The following SYNPR variants were observed in gnomAD, a reference collection of about 807,000 sequenced individuals.
SYNPR encodes synaptoporin.
A neutral mutation model predicts 32.9 loss-of-function variants in SYNPR; 23 were observed. That is an observed-to-expected ratio of 0.70 (90% CI 0.50 to 0.99). SYNPR has a LOEUF of 0.99. Among genes scored for constraint, SYNPR ranks in the 50% least tolerant of loss-of-function variants. The pLI is 0.00. For synonymous variants in SYNPR, 146 were observed against 135.9 expected, an observed-to-expected ratio of 1.07 and a Z score of -0.52; for missense variants, 318 against 349.3, an observed-to-expected ratio of 0.91 and a Z score of 0.71.
chr3:63,459,137 C>G (rs1439384367), intron 2 of SYNPR, among the ~76,000 whole-genome samples: 1 of 152,022 alleles, frequency 6.6e-6, no homozygotes, highest in Non-Finnish European at 1.5e-5. Context: ...CACTAATTCA[C>G]TATGACAAAT....
intron 2 of SYNPR, among the ~76,000 whole-genome samples, chr3:63,295,217 A>G (rs760814652): frequency 2.0e-5 from 3 of 152,174 alleles, no homozygotes; most frequent in Non-Finnish European, 4.4e-5. Context: ...ATGATAAAGC[A>G]GTTGTTAACA....
At chr3:63,505,465 C>A (rs11715745) in intron 3 of SYNPR, among the ~76,000 whole-genome samples, 94,397 of 151,858 alleles carry the variant, frequency 0.62, 29,664 homozygotes, top group African/African-American at 0.71. Flanking sequence ...GTCAGACAAG[C>A]CCTCATTCTG....
intron 4 of SYNPR, among the ~76,000 whole-genome samples, chr3:63,603,367 C>T (rs927548025): frequency 6.6e-6 from 1 of 152,214 alleles, no homozygotes; most frequent in Non-Finnish European, 1.5e-5. Flanking sequence ...CCGGCTAGGA[C>T]TTCCCACACA....
chr3:63,253,860 A>G (rs1302478595), intron 2 of SYNPR, among the ~76,000 whole-genome samples: 2 of 152,204 alleles, frequency 1.3e-5, no homozygotes. Flanking sequence ...GTAAAGACAC[A>G]TGCATATGTA....
At chr3:63,474,085 T>C (rs1216561761) in intron 2 of SYNPR, among the ~76,000 whole-genome samples, 2 of 152,260 alleles carry the variant, frequency 1.3e-5, no homozygotes, top group African/African-American at 4.8e-5. Context: ...CAACGATGTG[T>C]GGTGAGCAGG....
At chr3:63,380,214 G>T (rs1409368241) in intron 2 of SYNPR, among the ~76,000 whole-genome samples, 1 of 152,136 alleles carries the variant, frequency 6.6e-6, no homozygotes, top group Non-Finnish European at 1.5e-5. Flanking sequence ...GTAATGGGAT[G>T]GCTGGCTCAA....
upstream of SYNPR, among the ~76,000 whole-genome samples, chr3:63,224,245 G>A (rs1269752923): frequency 2.6e-5 from 4 of 152,114 alleles, no homozygotes; most frequent in Admixed American, 1.3e-4. Context: ...ATAGGATTGC[G>A]GACCCTATTG....
chr3:63,380,884 G>T (rs560952989), intron 2 of SYNPR, among the ~76,000 whole-genome samples: 3 of 152,076 alleles, frequency 2.0e-5, no homozygotes, highest in African/African-American at 4.8e-5. Context: ...AGTAAATTAG[G>T]TATTGATGGG....
chr3:63,230,140 C>A (rs1328488128), intron 1 of SYNPR, among the ~76,000 whole-genome samples: 1 of 152,084 alleles, frequency 6.6e-6, no homozygotes, highest in Non-Finnish European at 1.5e-5. Flanking sequence ...TCAGGATAAT[C>A]TGGTAAAGTT....
At chr3:63,459,277 A>G (rs998084126) in intron 2 of SYNPR, among the ~76,000 whole-genome samples, 2 of 152,020 alleles carry the variant, frequency 1.3e-5, no homozygotes, top group African/African-American at 4.8e-5. Context: ...CAATCACTCT[A>G]TAATTGCTTC....
chr3:63,432,894 T>C (rs1455303463), intron 2 of SYNPR, among the ~76,000 whole-genome samples: 1 of 152,198 alleles, frequency 6.6e-6, no homozygotes, highest in Non-Finnish European at 1.5e-5. Context: ...TCAAGTTCCC[T>C]GTGGGAAAAG....
At chr3:63,247,033 A>G (rs1388710298) in intron 1 of SYNPR, among the ~76,000 whole-genome samples, 1 of 152,044 alleles carries the variant, frequency 6.6e-6, no homozygotes, top group Non-Finnish European at 1.5e-5. Context: ...CTATGTAGCA[A>G]AACTACACAT....
intron 4 of SYNPR, among the ~76,000 whole-genome samples, chr3:63,587,051 T>A (rs1052889087): frequency 6.6e-6 from 1 of 152,070 alleles, no homozygotes; most frequent in East Asian, 1.9e-4. Flanking sequence ...CACTTTAGGT[T>A]GGAAAAGTTT....
intron 2 of SYNPR, among the ~76,000 whole-genome samples, chr3:63,396,251 A>T (rs552907731): frequency 3.4e-4 from 52 of 152,336 alleles, no homozygotes; most frequent in Non-Finnish European, 6.9e-4. Context: ...CATCCATATC[A>T]CAAGGTTCCT....
intron 2 of SYNPR, among the ~76,000 whole-genome samples, chr3:63,323,192 G>A (rs1221611756): frequency 9.2e-5 from 14 of 152,148 alleles, no homozygotes; most frequent in Middle Eastern, 3.4e-3. Flanking sequence ...CCAACTGAGC[G>A]CTTTTGAGTC....
chr3:63,373,504 G>C (rs2087846367), intron 2 of SYNPR, among the ~76,000 whole-genome samples: 1 of 151,956 alleles, frequency 6.6e-6, no homozygotes, highest in Non-Finnish European at 1.5e-5. Context: ...TTGCTCTCCA[G>C]ACTAACTCAG....
chr3:63,274,523 T>G (rs1575582798), upstream of SYNPR, among the ~76,000 whole-genome samples: 1 of 152,322 alleles, frequency 6.6e-6, no homozygotes, highest in East Asian at 1.9e-4. Context: ...TTCAAAATGG[T>G]TGGTTTGTAA....
At chr3:63,485,756 G>A (rs952425015) in intron 3 of SYNPR, among the ~76,000 whole-genome samples, 7 of 151,978 alleles carry the variant, frequency 4.6e-5, no homozygotes, top group African/African-American at 1.7e-4. Context: ...ATAAATTTAC[G>A]ACCTTGGTTG....
At chr3:63,367,342 A>ATTAG (rs2087738174) in intron 2 of SYNPR, among the ~76,000 whole-genome samples, 1 of 143,588 alleles carries the variant, frequency 7.0e-6, no homozygotes, top group Non-Finnish European at 1.5e-5. Context: ...TCACTGTTGA[A>ATTAG]TTATTTATTT....
Sources: gnomAD v4.1 joint callset for allele counts (sites outside exome capture counted in the v4.1 genomes callset) on GRCh38, gnomAD v4.1.1 for gene constraint, MANE v1.5 for transcripts, NCBI Gene and HGNC (gene_info 2026-07-23, HGNC 2026-07-21) for gene names.